Variants in GRM1 observed in about 807,000 individuals in gnomAD.
The protein encoded by GRM1 is glutamate metabotropic receptor 1.
Under a neutral mutation model 90.9 loss-of-function variants are expected in GRM1, and 33 were observed. That is an observed-to-expected ratio of 0.36 (90% confidence interval 0.28 to 0.49). The LOEUF (loss-of-function observed/expected upper bound fraction) is 0.49, where lower values mean the gene tolerates loss of function less well. GRM1 is among the 20% of genes least tolerant of loss of function. The probability of loss-of-function intolerance (pLI) is 0.99; values close to 1 mark genes in which losing one functional copy is unlikely to be tolerated. For missense variants in GRM1, 1,190 were observed against 1,534.3 expected (o/e 0.78, Z 3.75); for synonymous variants, 700 against 613.2 (o/e 1.14, Z -2.09).
intron 2 of GRM1, among the ~76,000 whole-genome samples, chr6:146,182,102 A>G (rs902511893): frequency 1.3e-5 from 2 of 152,196 alleles, no homozygotes; most frequent in Non-Finnish European, 2.9e-5. Context: ...TGGATTGGAC[A>G]TAACATGAAA....
chr6:146,413,988 A>G (rs1264794750), intron 7 of GRM1, among the ~76,000 whole-genome samples: 4 of 152,200 alleles, frequency 2.6e-5, no homozygotes, highest in Non-Finnish European at 5.9e-5. Flanking sequence ...AACTCTCACT[A>G]TGACAAATAA....
Position 146,434,682 on chromosome 6 carries a change from G to A in GRM1, c.3471G>A (p.Ser1157=), listed in dbSNP as rs767868364. The A allele has an allele frequency of 2.6e-5, 41 of 1,605,802 alleles. No homozygotes were observed. Among genetic ancestry groups the A allele is most frequent in the Middle Eastern group, 1.6e-4 (1 of 6,084 alleles). Residue 1157 remains serine, a synonymous_variant, in exon 8 of 8, where the codon TCG becomes TCA. Transcript: ENST00000282753. ...CGCCTTTCCGCGACTCGGTGGCCTCGGGCAGCTCGGTGCCCAGCTCCCCCG... is the reference window on the plus strand; with the variant it reads ...CGCCTTTCCGCGACTCGGTGGCCTCAGGCAGCTCGGTGCCCAGCTCCCCCG... The part of the protein sequence containing the change: ...PPSPFRDSVA[S]GSSVPSSPVS...
chr6:146,219,553 A>G (rs553451790), intron 2 of GRM1, among the ~76,000 whole-genome samples: 46 of 152,280 alleles, frequency 3.0e-4, no homozygotes, highest in East Asian at 1.3e-3. Flanking sequence ...TTAAAAAAAA[A>G]GGGGGAGGAA....
At chr6:146,347,508 C>T (rs1018711900) in intron 3 of GRM1, among the ~76,000 whole-genome samples, 1 of 152,064 alleles carries the variant, frequency 6.6e-6, no homozygotes, top group Non-Finnish European at 1.5e-5. Flanking sequence ...TTGCAGGATA[C>T]AAAGTTAGTA....
chr6:146,412,761 A>AT (rs1777616486), intron 7 of GRM1, among the ~76,000 whole-genome samples: 1 of 152,156 alleles, frequency 6.6e-6, no homozygotes, highest in Non-Finnish European at 1.5e-5. Flanking sequence ...ATAAGTATAT[A>AT]TTTTTATTAT....
At chr6:146,231,815 G>A (rs540626278) in intron 2 of GRM1, among the ~76,000 whole-genome samples, 2 of 151,828 alleles carry the variant, frequency 1.3e-5, no homozygotes, top group African/African-American at 4.8e-5. Context: ...ATTTTTATTT[G>A]CTTATAATTT....
chr6:146,068,940 A>C (rs544748463), intron 1 of GRM1, among the ~76,000 whole-genome samples: 2 of 152,298 alleles, frequency 1.3e-5, no homozygotes, highest in East Asian at 3.9e-4. Flanking sequence ...TTTCCTTTTA[A>C]ATTTTTAATA....
chr6:146,207,767 T>C (rs1026667692), intron 2 of GRM1, among the ~76,000 whole-genome samples: 5 of 152,190 alleles, frequency 3.3e-5, no homozygotes, highest in African/African-American at 1.2e-4. Context: ...CAGACATGTG[T>C]TTGAATCCTT....
intron 2 of GRM1, among the ~76,000 whole-genome samples, chr6:146,256,199 T>C (rs6570747): frequency 0.23 from 34,224 of 152,060 alleles, 8,017 homozygotes; most frequent in African/African-American, 0.6. Flanking sequence ...CAGCACTGTA[T>C]AATGGAAATA....
At chr6:146,344,400 T>C (rs1414415811) in intron 3 of GRM1, among the ~76,000 whole-genome samples, 1 of 152,216 alleles carries the variant, frequency 6.6e-6, no homozygotes, top group Non-Finnish European at 1.5e-5. Context: ...TCGTTCTTGT[T>C]TCTGTAAATA....
chr6:146,202,992 G>C (rs1466991564), intron 2 of GRM1, among the ~76,000 whole-genome samples: 2 of 151,914 alleles, frequency 1.3e-5, no homozygotes, highest in Admixed American at 6.6e-5. Context: ...TCAGGAGAGA[G>C]AGACAATCCT....
intron 1 of GRM1, among the ~76,000 whole-genome samples, chr6:146,038,813 C>CA (rs1209338903): frequency 6.6e-6 from 1 of 150,576 alleles, no homozygotes; most frequent in Non-Finnish European, 1.5e-5. Context: ...AAAGGTAGAA[C>CA]AAAAAAATCA....
At chr6:146,159,237 A>T in intron 1 of GRM1, 111 bp from the exon 2 acceptor site, 1 of 1,285,210 alleles carries the variant, frequency 7.8e-7, no homozygotes, top group Non-Finnish European at 1.1e-6. Context: ...TTTACAAATT[A>T]TTTGGCAAGT....
At chr6:146,199,252 T>C (rs1298338954) in intron 2 of GRM1, among the ~76,000 whole-genome samples, 1 of 152,192 alleles carries the variant, frequency 6.6e-6, no homozygotes, top group Non-Finnish European at 1.5e-5. Context: ...ATGCCCACTT[T>C]GCTCAGCTCT....
intron 2 of GRM1, among the ~76,000 whole-genome samples, chr6:146,296,789 C>T (rs937299364): frequency 1.3e-5 from 2 of 152,184 alleles, no homozygotes; most frequent in African/African-American, 4.8e-5. Flanking sequence ...ACTTTTTCTA[C>T]CATAGTCCTT....
intron 1 of GRM1, among the ~76,000 whole-genome samples, chr6:146,043,934 C>T (rs1791227522): frequency 6.6e-6 from 1 of 151,154 alleles, no homozygotes; most frequent in African/African-American, 2.4e-5. Flanking sequence ...ATCTTACACT[C>T]ATAGTTTAAT....
At chr6:146,362,348 C>A (rs761058488) in intron 5 of GRM1, among the ~76,000 whole-genome samples, 55 of 152,258 alleles carry the variant, frequency 3.6e-4, no homozygotes, top group Middle Eastern at 3.4e-3. Flanking sequence ...ATATCTTACA[C>A]ACTGTAGACT....
At chr6:146,121,210 C>G (rs1775976434) in intron 1 of GRM1, among the ~76,000 whole-genome samples, 1 of 152,112 alleles carries the variant, frequency 6.6e-6, no homozygotes, top group Admixed American at 6.6e-5. Flanking sequence ...TCTATGTTTT[C>G]TAGTTTATTT....
chr6:146,271,005 T>C (rs1265934592), intron 2 of GRM1, among the ~76,000 whole-genome samples: 1 of 149,238 alleles, frequency 6.7e-6, no homozygotes, highest in Non-Finnish European at 1.5e-5. Context: ...CTTCTTTCTT[T>C]CTTTCTTTCT....
Sources: allele counts gnomAD v4.1 joint callset (sites outside exome capture counted in the v4.1 genomes callset), GRCh38; gene constraint gnomAD v4.1.1; transcripts MANE v1.5; gene names NCBI Gene and HGNC (gene_info 2026-07-23, HGNC 2026-07-21).